Variants in SUGCT observed in about 807,000 individuals in gnomAD.
The protein encoded by SUGCT is succinyl-CoA:glutarate CoA-transferase.
Under a neutral mutation model 55.0 loss-of-function variants are expected in SUGCT, and 41 were observed. The ratio of observed to expected loss-of-function variants is 0.74; its 90% CI spans 0.58 to 0.97. SUGCT has a LOEUF of 0.97. SUGCT is among the 50% of genes least tolerant of loss of function. SUGCT has a pLI of 0.00. For missense variants in SUGCT, 568 were observed against 547.8 expected, an observed-to-expected ratio of 1.04 and a Z score of -0.37; for synonymous variants, 187 against 200.4, an observed-to-expected ratio of 0.93 and a Z score of 0.56.
chr7:40,155,385 A>C (rs938947630), intron 1 of SUGCT, among the ~76,000 whole-genome samples: 2 of 151,998 alleles, frequency 1.3e-5, no homozygotes, highest in African/African-American at 2.4e-5. Context: ...AAAAAAGGAC[A>C]AATGAAGAAC....
chr7:40,666,217 G>A (rs1801619884), intron 12 of SUGCT, among the ~76,000 whole-genome samples: 1 of 151,982 alleles, frequency 6.6e-6, no homozygotes, highest in South Asian at 2.1e-4. Context: ...GGGTGTGGTG[G>A]CACATGCCTG....
At chr7:41,009,064 A>G in the SUGCT span, among the ~76,000 whole-genome samples, 228 of 152,238 alleles carry the variant, frequency 1.5e-3, no homozygotes, top group African/African-American at 5.2e-3. Flanking sequence ...AAAGAATGCA[A>G]TTTAGCCGGG....
intron 7 of SUGCT, 69 bp downstream of exon 7, chr7:40,237,795 C>G (rs1387960044): frequency 7.0e-6 from 9 of 1,288,772 alleles, no homozygotes; most frequent in Non-Finnish European, 1.0e-5. Flanking sequence ...TTACTCTGCA[C>G]TAACCCATAG....
At chr7:40,310,114 C>T (rs1051840727) in intron 8 of SUGCT, among the ~76,000 whole-genome samples, 4 of 152,246 alleles carry the variant, frequency 2.6e-5, no homozygotes, top group African/African-American at 7.2e-5. Flanking sequence ...AGTAATCTTA[C>T]AGCAGAGAAA....
At chr7:40,748,183 G>A (rs902180181) in intron 12 of SUGCT, among the ~76,000 whole-genome samples, 11 of 151,962 alleles carry the variant, frequency 7.2e-5, no homozygotes, top group Non-Finnish European at 1.5e-4. Context: ...AGAGACTTTG[G>A]GGTGTATGTA....
intron 13 of SUGCT, among the ~76,000 whole-genome samples, chr7:40,783,091 C>T (rs1225269183): frequency 6.6e-6 from 1 of 152,148 alleles, no homozygotes; most frequent in Non-Finnish European, 1.5e-5. Context: ...GCATAAGCTT[C>T]TTCCTGGCGT....
At chr7:40,303,285 C>G (rs531328819) in intron 8 of SUGCT, among the ~76,000 whole-genome samples, 1 of 152,150 alleles carries the variant, frequency 6.6e-6, no homozygotes, top group South Asian at 2.1e-4. Context: ...CCGCCTGCCT[C>G]GGCCTCCCAA....
At chr7:40,528,877 A>G (rs1463541421) in intron 12 of SUGCT, among the ~76,000 whole-genome samples, 3 of 152,206 alleles carry the variant, frequency 2.0e-5, no homozygotes, top group East Asian at 1.9e-4. Flanking sequence ...TCTTTCAAAC[A>G]TGTGTAGCAA....
intron 12 of SUGCT, among the ~76,000 whole-genome samples, chr7:40,629,761 C>T (rs371541341): frequency 7.9e-5 from 12 of 152,122 alleles, no homozygotes; most frequent in East Asian, 3.9e-4. Context: ...ATGTTTTATC[C>T]GTATGTAAAT....
chr7:40,838,001 A>G (rs1352056395), intron 13 of SUGCT, among the ~76,000 whole-genome samples: 1 of 152,164 alleles, frequency 6.6e-6, no homozygotes, highest in Non-Finnish European at 1.5e-5. Context: ...CCATTTGCTG[A>G]AAAAACTATC....
chr7:40,485,417 C>CTTTTTTTT (rs397889166), intron 11 of SUGCT, among the ~76,000 whole-genome samples: 104 of 74,436 alleles, frequency 1.4e-3, no homozygotes, highest in Non-Finnish European at 1.7e-3. Flanking sequence ...TATATACATT[C>CTTTTTTTT]TTTTTTTTTT....
the SUGCT span, among the ~76,000 whole-genome samples, chr7:41,031,061 A>G: frequency 6.6e-6 from 1 of 152,160 alleles, no homozygotes; most frequent in Non-Finnish European, 1.5e-5. Context: ...TCCCGGGCTC[A>G]AGTGATCTTC....
chr7:40,213,173 T>C (rs1048723402), intron 6 of SUGCT, among the ~76,000 whole-genome samples: 10 of 152,198 alleles, frequency 6.6e-5, no homozygotes, highest in Admixed American at 6.5e-4. Flanking sequence ...ATCTTTATTA[T>C]TCAAATTTGA....
At chr7:40,514,495 G>A (rs1349355057) in intron 12 of SUGCT, among the ~76,000 whole-genome samples, 1 of 151,950 alleles carries the variant, frequency 6.6e-6, no homozygotes, top group East Asian at 1.9e-4. Context: ...GATCATCTGA[G>A]GTCAGGAGTT....
chr7:41,037,852 A>C, the SUGCT span, among the ~76,000 whole-genome samples: 6 of 151,688 alleles, frequency 4.0e-5, no homozygotes, highest in Non-Finnish European at 5.9e-5. Flanking sequence ...TGAAGCTCCT[A>C]GTTCTTGGCA....
chr7:40,376,441 A>G (rs1474818669), intron 9 of SUGCT, among the ~76,000 whole-genome samples: 1 of 151,126 alleles, frequency 6.6e-6, no homozygotes, highest in Non-Finnish European at 1.5e-5. Context: ...CCAGGCTGGA[A>G]TGCAGTGGCA....
intron 13 of SUGCT, among the ~76,000 whole-genome samples, chr7:40,772,577 TG>T (rs1789211185): frequency 8.3e-6 from 1 of 120,096 alleles, no homozygotes; most frequent in African/African-American, 3.3e-5. Flanking sequence ...GTTATCTATC[TG>T]CTATCTATCT....
chr7:40,189,680 A>C (rs1785777716), intron 5 of SUGCT, 86 bp downstream of exon 5: 6 of 602,028 alleles, frequency 1.0e-5, no homozygotes, highest in Middle Eastern at 2.9e-4. Flanking sequence ...TTAAAACTCA[A>C]TTTTATGGGT....
the SUGCT span, among the ~76,000 whole-genome samples, chr7:40,924,592 G>A: frequency 2.6e-5 from 4 of 152,098 alleles, no homozygotes; most frequent in African/African-American, 9.7e-5. Context: ...AGATGCTCCA[G>A]GACTGGCTTG....
Sources: gnomAD v4.1 joint callset for allele counts (sites outside exome capture counted in the v4.1 genomes callset) on GRCh38, gnomAD v4.1.1 for gene constraint, MANE v1.5 for transcripts, NCBI Gene and HGNC (gene_info 2026-07-23, HGNC 2026-07-21) for gene names.